Variants in DENND3 observed in about 807,000 individuals in gnomAD.
The protein encoded by DENND3 is DENN domain containing 3.
A neutral mutation model predicts 135.1 loss-of-function variants in DENND3; 88 were observed. The observed-to-expected ratio is 0.65, with a 90% CI of 0.55 to 0.78. The LOEUF is 0.78. Among genes scored for constraint, DENND3 ranks in the 30% least tolerant of loss-of-function variants. The pLI is 0.00. For missense variants in DENND3, 1,392 were observed against 1,688.4 expected (o/e 0.82, Z 3.08); for synonymous variants, 693 against 712.3 (o/e 0.97, Z 0.43).
rs1817434730 is a variant in DENND3, at chr8:141,141,392, G to A, written c.623+68G>A. The A allele has an allele frequency of 1.9e-6, 3 of 1,577,872 alleles. No homozygotes were observed. Among genetic ancestry groups the A allele is most frequent in the East Asian group, 2.3e-5 (1 of 43,996 alleles). Reference sequence around the variant, plus strand: ...CTTTGTGCCTCTCCAGGTGAGCCAAGGGACCAGGGGGCTGGAGGTGGTGGG... The same window carrying A: ...CTTTGTGCCTCTCCAGGTGAGCCAAAGGACCAGGGGGCTGGAGGTGGTGGG... On this transcript the variant is annotated intron_variant, in intron 4 of 22. Transcript: ENST00000519811. The surrounding 1 kb of genome is among the most constrained non-coding windows in gnomAD (Gnocchi z 5.3).
At chr8:141,185,895 G>A (rs764925447) in intron 18 of DENND3, among the ~76,000 whole-genome samples, 1 of 151,778 alleles carries the variant, frequency 6.6e-6, no homozygotes, top group Non-Finnish European at 1.5e-5. Flanking sequence ...AGCCATTGTG[G>A]TCTCTGCCTG....
rs1171892993 is a variant in DENND3 at position 141,137,941 on chromosome 8, A to G, written c.386-81A>G. ...TGCTAACTGTGGAGGTGTGTCCTAA[A>G]CACTGTGAAGAAATCAGCTCGTGGG... is the stretch of plus-strand genomic sequence containing the variant. On this transcript the variant is annotated intron_variant, in intron 2 of 22. Transcript: ENST00000519811. This position sits in a 1 kb window ranked among gnomAD's most constrained non-coding sequence, Gnocchi z 4.1. 1 of 1,439,392 alleles carries G rather than the reference A, an allele frequency of 6.9e-7. No homozygotes were observed. Among genetic ancestry groups the G allele is most frequent in the Admixed American group, 2.0e-5 (1 of 49,810 alleles). 89.2% of individuals were successfully genotyped at this position (1,439,392 alleles called of 1,614,324 possible).
rs763598463 is a variant in DENND3 at position 141,162,908 on chromosome 8, C to T, written c.1353-425C>T. ...CAGCCTGGGCCATAGAGCAAGACCC[C>T]GTCTAAACAAACAAACAGACAAACA... On this transcript the variant is annotated intron_variant, in intron 9 of 22. Transcript: ENST00000519811. Among the ~76,000 whole-genome samples the T allele has an allele frequency of 2.6e-5, 4 of 152,310 alleles. No individual in the cohort carries two copies. In the East Asian group the frequency reaches 5.8e-4, roughly 22 times the overall value.
chr8:141,188,839 A>G (rs1356518124), intron 18 of DENND3, 147 bp from the exon 19 acceptor site: 24 of 1,061,688 alleles, frequency 2.3e-5, no homozygotes, highest in Admixed American at 5.9e-5. Context: ...CGTCAGGGCC[A>G]GAGGCTCCCA....
intron 8 of DENND3, among the ~76,000 whole-genome samples, chr8:141,158,983 T>C (rs1234845013): frequency 2.6e-5 from 4 of 152,188 alleles, no homozygotes; most frequent in African/African-American, 4.8e-5. Flanking sequence ...AGGAAAGTCA[T>C]CAAAATTTCT....
chr8:141,143,697 C>G (rs1817731541), intron 4 of DENND3, among the ~76,000 whole-genome samples: 1 of 152,194 alleles, frequency 6.6e-6, no homozygotes, highest in African/African-American at 2.4e-5. Context: ...TGAGCCACCG[C>G]ACCCACCCCT....
At chr8:141,165,557 T>C (rs1351250516) in intron 11 of DENND3, among the ~76,000 whole-genome samples, 2 of 151,596 alleles carry the variant, frequency 1.3e-5, no homozygotes, top group African/African-American at 2.4e-5. Flanking sequence ...CTCCGCCTCC[T>C]GGGTTCAAGC....
intron 16 of DENND3, among the ~76,000 whole-genome samples, chr8:141,180,129 C>T (rs372515629): frequency 2.0e-5 from 3 of 152,160 alleles, no homozygotes; most frequent in East Asian, 3.9e-4. Flanking sequence ...GAACGGGGGG[C>T]GATGTTGCAC....
intron 1 of DENND3, among the ~76,000 whole-genome samples, chr8:141,132,439 C>G (rs1269139742): frequency 6.6e-6 from 1 of 152,052 alleles, no homozygotes; most frequent in Non-Finnish European, 1.5e-5. Flanking sequence ...CTCACTGCAA[C>G]CTCTGCCTCC....
intron 1 of DENND3, among the ~76,000 whole-genome samples, chr8:141,131,670 T>G (rs1278937305): frequency 6.6e-6 from 1 of 152,236 alleles, no homozygotes; most frequent in Non-Finnish European, 1.5e-5. Context: ...AATCCTATAG[T>G]GAAGATGAAT....
Position 141,144,181 on chromosome 8 carries a change from T to TGAAGTG in DENND3, c.660_665dup (p.Glu220_Val221dup), listed in dbSNP as rs751490379. The TGAAGTG allele has an allele frequency of 6.2e-6, 10 of 1,613,780 alleles. No homozygotes were observed. The Admixed American group carries it at 1.7e-4, about 27-fold the overall frequency. On this transcript the variant is annotated inframe_insertion, in exon 5 of 23. Transcript: ENST00000519811. The surrounding 1 kb of genome is among the most constrained non-coding windows in gnomAD (Gnocchi z 4.4). ...CTCTTCTGAAGCCCTGTAAAGATTT[T>TGAAGTG]GAAGTGGACAGTCATATAAAAGATT...
chr8:141,151,484 C>T, intron 6 of DENND3, 135 bp from the exon 7 acceptor site: 1 of 774,190 alleles, frequency 1.3e-6, no homozygotes, highest in South Asian at 1.8e-5. Flanking sequence ...TTGCTTAAGC[C>T]CAGGAGTTCG....
intron 1 of DENND3, among the ~76,000 whole-genome samples, chr8:141,129,215 G>A (rs1815609829): frequency 6.6e-6 from 1 of 152,250 alleles, no homozygotes; most frequent in South Asian, 2.1e-4. Flanking sequence ...AGCCGCCGGA[G>A]CCTCACGGTC....
At chr8:141,152,056 T>C (rs1022235137) in intron 7 of DENND3, among the ~76,000 whole-genome samples, 1 of 152,148 alleles carries the variant, frequency 6.6e-6, no homozygotes. Context: ...GGACAGTGAG[T>C]GTGCCCACCT....
intron 17 of DENND3, among the ~76,000 whole-genome samples, chr8:141,181,636 C>A (rs576283734): frequency 6.6e-6 from 1 of 152,148 alleles, no homozygotes; most frequent in African/African-American, 2.4e-5. Context: ...GCTGTCATGT[C>A]GCACGTTGAA....
At position 141,180,770 on chromosome 8, in the gene DENND3, A is replaced by G. The variant is rs1569556645; in HGVS notation, c.2860A>G (p.Thr954Ala). 1.2e-6 allele frequency: 2 copies of G among 1,613,426 alleles called. No homozygotes were observed. The highest frequency in any genetic ancestry group is 1.1e-5 in the South Asian group (1 of 90,812). ...NEMPMTLPET[T>A]LETLKHKINP... ...AGTGCCCATGACGCTTCCGGAGACA[A>G]CCCTGGAAACACTGAAGCATAAAAT... Residue 954 changes from threonine to alanine, a missense_variant, in exon 17 of 23, where the codon ACC becomes GCC. By Grantham distance (58) the Thr-to-Ala change is moderately conservative (BLOSUM62 0). Coordinates refer to ENST00000519811, the MANE Select transcript of DENND3 (RefSeq NM_001352890.3).
chr8:141,179,659 C>T (rs531901568), intron 16 of DENND3, among the ~76,000 whole-genome samples: 3 of 152,370 alleles, frequency 2.0e-5, no homozygotes, highest in South Asian at 2.1e-4. Flanking sequence ...GCGTTGGCCG[C>T]GGCCAGTTGG....
intron 18 of DENND3, among the ~76,000 whole-genome samples, chr8:141,188,141 G>A (rs368163078): frequency 3.3e-5 from 5 of 152,230 alleles, no homozygotes; most frequent in African/African-American, 9.6e-5. Flanking sequence ...CGGGAGAATC[G>A]CTTGAGCCGG....
chr8:141,135,153 T>TTTC (rs1491491739), intron 1 of DENND3, among the ~76,000 whole-genome samples: 5 of 114,854 alleles, frequency 4.4e-5, no homozygotes, highest in African/African-American at 2.8e-4. Flanking sequence ...TCTTTCTTTC[T>TTTC]TTTTTTTTTT....
Sources: allele counts gnomAD v4.1 joint callset (sites outside exome capture counted in the v4.1 genomes callset), GRCh38; gene constraint gnomAD v4.1.1; non-coding constraint Gnocchi (gnomAD v3.1); transcripts MANE v1.5; gene names NCBI Gene and HGNC (gene_info 2026-07-23, HGNC 2026-07-21).